OLIG1: variants seen among roughly 807,000 people sequenced by gnomAD.
The protein encoded by OLIG1 is oligodendrocyte transcription factor 1.
In OLIG1, 9 loss-of-function variants were observed where a neutral mutation model predicts 13.5. The ratio of observed to expected loss-of-function variants is 0.67; its 90% CI spans 0.40 to 1.17. OLIG1 has a LOEUF of 1.17. OLIG1 is among the 50% of genes most tolerant of loss of function. OLIG1 has a pLI of 0.01. For missense variants in OLIG1, 362 were observed against 392.2 expected, an observed-to-expected ratio of 0.92 and a Z score of 0.65; for synonymous variants, 215 against 208.3, an observed-to-expected ratio of 1.03 and a Z score of -0.28.
chr21:33,070,388 TCCA>T lies in OLIG1; in HGVS notation c.145_147del (p.Thr49del), dbSNP rs1555839736. ...GCAGCCGCCCTCCTCCTCCTCCTCCTCCACCTCCTCCACCTCCTCCACTTCCTC... is the reference window on the plus strand; with the variant it reads ...GCAGCCGCCCTCCTCCTCCTCCTCCTCCTCCTCCACCTCCTCCACTTCCTC... On this transcript the variant is annotated inframe_deletion, in exon 1 of 1. Transcript: ENST00000382348. The surrounding 1 kb of genome is among the most constrained non-coding windows in gnomAD (Gnocchi z 5.9). 6.5e-7 allele frequency: 1 copy of T among 1,528,486 alleles called. No individual in the cohort carries two copies. The highest frequency in any genetic ancestry group is 8.8e-7 in the Non-Finnish European group (1 of 1,137,650). 94.7% of individuals were successfully genotyped at this position (1,528,486 alleles called of 1,614,324 possible). A position where few individuals can be genotyped will look rare whatever the true frequency, so the allele number is the denominator to read the frequency against.
In OLIG1 at chr21:33,071,961, C is replaced by T. The variant is rs1982244574; in HGVS notation, c.*899C>T. The stretch of plus-strand genomic sequence containing the variant: ...AAACGAAAACCAACCGCCTTGCATC[C>T]AGTGTTCCCGATTTACTAAAATAGG... On this transcript the variant is annotated 3_prime_UTR_variant, in exon 1 of 1. Coordinates refer to ENST00000382348, the MANE Select transcript of OLIG1 (RefSeq NM_138983.3). The surrounding 1 kb of genome is among the most constrained non-coding windows in gnomAD (Gnocchi z 6.0). The T allele has an allele frequency of 6.0e-6, 1 of 167,102 alleles. No individual in the cohort carries two copies. Among genetic ancestry groups the T allele is most frequent in the Non-Finnish European group, 1.5e-5 (1 of 68,118 alleles). The allele number at this position is 167,102 out of a possible 1,614,324, so 10.4% of individuals were successfully genotyped here.
Position 33,071,901 on chromosome 21 carries a change from C to T in OLIG1, c.*839C>T, listed in dbSNP as rs998465514. The T allele has an allele frequency of 3.6e-5, 6 of 167,058 alleles. No individual in the cohort carries two copies. The highest frequency in any genetic ancestry group is 7.3e-5 in the Non-Finnish European group (5 of 68,118). The allele number at this position is 167,058 out of a possible 1,614,324, so 10.3% of individuals were successfully genotyped here. ...GATTCACCTTTCGTTTCCCTTTCCC[C>T]AAAAGTAGCGTAACCAACATTTAAG... On this transcript the variant is annotated 3_prime_UTR_variant, in exon 1 of 1. Coordinates refer to ENST00000382348, the MANE Select transcript of OLIG1 (RefSeq NM_138983.3). The surrounding 1 kb of genome is among the most constrained non-coding windows in gnomAD (Gnocchi z 6.0).
chr21:33,070,938 A>G lies in OLIG1; in HGVS notation c.692A>G (p.Gln231Arg). 1 of 1,455,452 alleles carries G rather than the reference A, an allele frequency of 6.9e-7. No individual in the cohort carries two copies. The highest frequency in any genetic ancestry group is 9.0e-7 in the Non-Finnish European group (1 of 1,110,796). 90.2% of individuals were successfully genotyped at this position (1,455,452 alleles called of 1,614,324 possible). A position where few individuals can be genotyped will look rare whatever the true frequency, so the allele number is the denominator to read the frequency against. ...GCGCTGGACGAGCCGCCGTGCGGCC[A>G]GTTCGCTCTCCCCGGCGGCGGCGCA... The part of the protein sequence containing the change: ...SLALDEPPCG[Q>R]FALPGGGAGG... Residue 231 changes from glutamine to arginine, a missense_variant, in exon 1 of 1, where the codon CAG becomes CGG. Gln to Arg is a conservative substitution (Grantham distance 43). This residue lies in a region of OLIG1 where 94 missense variants were observed against 146.0 expected (regional missense o/e 0.64). Coordinates refer to ENST00000382348, the MANE Select transcript of OLIG1 (RefSeq NM_138983.3). The surrounding 1 kb of genome is among the most constrained non-coding windows in gnomAD (Gnocchi z 5.9).
chr21:33,070,264 C>G lies in OLIG1; in HGVS notation c.18C>G (p.Ser6=). ...CCTCCCAGATGTACTATGCGGTTTCCCAGGCGCGCGTGAACGCGGTCCCCG... is the reference window on the plus strand; with the variant it reads ...CCTCCCAGATGTACTATGCGGTTTCGCAGGCGCGCGTGAACGCGGTCCCCG... MYYAV[S]QARVNAVPGT... The change falls in exon 1 of 1, where the codon TCC becomes TCG. Residue 6 remains serine (S), a synonymous_variant. Transcript: ENST00000382348. This position sits in a 1 kb window ranked among gnomAD's most constrained non-coding sequence, Gnocchi z 5.9. 2.6e-6 allele frequency: 4 copies of G among 1,541,590 alleles called. No individual in the cohort carries two copies. The highest frequency in any genetic ancestry group is 3.5e-6 in the Non-Finnish European group (4 of 1,143,268).
Position 33,070,977 on chromosome 21 carries a change from T to C in OLIG1, c.731T>C (p.Leu244Pro). The C allele has an allele frequency of 1.5e-6, 2 of 1,360,156 alleles. No homozygotes were observed. The highest frequency in any genetic ancestry group is 9.5e-7 in the Non-Finnish European group (1 of 1,047,594). 84.3% of individuals were successfully genotyped at this position (1,360,156 alleles called of 1,614,324 possible). Residue 244 changes from leucine (L) to proline (P), a missense_variant, in exon 1 of 1, where the codon CTC (leucine) becomes CCC (proline). By Grantham distance (98) the Leu-to-Pro change is moderately conservative. Coordinates refer to ENST00000382348, the MANE Select transcript of OLIG1 (RefSeq NM_138983.3). This position sits in a 1 kb window ranked among gnomAD's most constrained non-coding sequence, Gnocchi z 5.9. ...GGCGGCGGCGCAGGCGGCCCCGGCC[T>C]CTGCACCTGCGCCGTGTGCAAGTTC... ...LPGGGAGGPGLCTCAVCKFPH... is the reference protein window; with the variant it reads ...LPGGGAGGPGPCTCAVCKFPH...
At position 33,070,656 on chromosome 21, in the gene OLIG1, C is replaced by A; in HGVS notation, c.410C>A (p.Ala137Glu). 9 of 1,556,168 alleles carry A rather than the reference C, an allele frequency of 5.8e-6. No homozygotes were observed. The highest frequency in any genetic ancestry group is 7.8e-6 in the Non-Finnish European group (9 of 1,157,786). The change falls in exon 1 of 1, where the codon GCG becomes GAG. Residue 137 changes from alanine (A) to glutamate (E), a missense_variant. Physicochemically the swap from Ala to Glu is moderately radical, Grantham distance 107 (BLOSUM62 -1). Transcript: ENST00000382348. This position sits in a 1 kb window ranked among gnomAD's most constrained non-coding sequence, Gnocchi z 5.9. ...CGCGAGGTCATCCTGCCCTACTCAG[C>A]GGCGCACTGCCAGGGCGCGCCCGGC... is the stretch of plus-strand genomic sequence containing the variant. ...ALREVILPYS[A>E]AHCQGAPGRK...
At position 33,070,993 on chromosome 21, in the gene OLIG1, G is replaced by A. The variant is rs754241332; in HGVS notation, c.747G>A (p.Val249=). The change falls in exon 1 of 1, where the codon GTG becomes GTA. Residue 249 remains valine, a synonymous_variant. Coordinates refer to ENST00000382348, the MANE Select transcript of OLIG1 (RefSeq NM_138983.3). The surrounding 1 kb of genome is among the most constrained non-coding windows in gnomAD (Gnocchi z 5.9). The stretch of plus-strand genomic sequence containing the variant: ...GCCCCGGCCTCTGCACCTGCGCCGT[G>A]TGCAAGTTCCCGCACCTGGTCCCGG... The part of the protein sequence containing the change: ...AGGPGLCTCA[V]CKFPHLVPAS... The A allele has an allele frequency of 1.0e-5, 15 of 1,503,750 alleles. No homozygotes were observed. The East Asian group carries it at 3.9e-4, about 39-fold the overall frequency. The allele number at this position is 1,503,750 out of a possible 1,614,324, so 93.2% of individuals were successfully genotyped here. A position where few individuals can be genotyped will look rare whatever the true frequency, so the allele number is the denominator to read the frequency against.
chr21:33,070,773 G>C lies in OLIG1; in HGVS notation c.527G>C (p.Gly176Ala). ...CTGCAGGAGCTGCGCCGCGCGCTGG[G>C]CGAGGGCGCCGGGCCCGCCGCGCCG... is the stretch of plus-strand genomic sequence containing the variant. ...SSLQELRRAL[G>A]EGAGPAAPRL... The change falls in exon 1 of 1, where the codon GGC (glycine) becomes GCC (alanine). Residue 176 changes from glycine (G) to alanine (A), a missense_variant. Coordinates refer to ENST00000382348, the MANE Select transcript of OLIG1 (RefSeq NM_138983.3). This position sits in a 1 kb window ranked among gnomAD's most constrained non-coding sequence, Gnocchi z 5.9. The C allele has an allele frequency of 1.6e-6, 2 of 1,227,628 alleles. No homozygotes were observed. The highest frequency in any genetic ancestry group is 2.0e-6 in the Non-Finnish European group (2 of 986,118). 76.0% of individuals were successfully genotyped at this position (1,227,628 alleles called of 1,614,324 possible). A position where few individuals can be genotyped will look rare whatever the true frequency, so the allele number is the denominator to read the frequency against.
chr21:33,070,957 C>T lies in OLIG1; in HGVS notation c.711C>T (p.Gly237=), dbSNP rs1219543434. ...GCGGCCAGTTCGCTCTCCCCGGCGGCGGCGCAGGCGGCCCCGGCCTCTGCA... is the reference window on the plus strand; with the variant it reads ...GCGGCCAGTTCGCTCTCCCCGGCGGTGGCGCAGGCGGCCCCGGCCTCTGCA... ...PPCGQFALPG[G]GAGGPGLCTC... is the part of the protein sequence containing the mutation. Residue 237 remains glycine (G), a synonymous_variant, in exon 1 of 1, where the codon GGC becomes GGT. Transcript: ENST00000382348. The surrounding 1 kb of genome is among the most constrained non-coding windows in gnomAD (Gnocchi z 5.9). 2.1e-6 allele frequency: 3 copies of T among 1,444,382 alleles called. No individual in the cohort carries two copies. Among genetic ancestry groups the T allele is most frequent in the Non-Finnish European group, 2.7e-6 (3 of 1,103,526 alleles). The allele number at this position is 1,444,382 out of a possible 1,614,324, so 89.5% of individuals were successfully genotyped here.
Position 33,070,256 on chromosome 21 carries a change from G to A in OLIG1, c.10G>A (p.Ala4Thr). ...CCCCACCGCCTCCCAGATGTACTATGCGGTTTCCCAGGCGCGCGTGAACGC... is the reference window on the plus strand; with the variant it reads ...CCCCACCGCCTCCCAGATGTACTATACGGTTTCCCAGGCGCGCGTGAACGC... MYY[A>T]VSQARVNAVP... The change falls in exon 1 of 1, where the codon GCG (alanine) becomes ACG (threonine). Residue 4 changes from alanine to threonine, a missense_variant. Physicochemically the swap from Ala to Thr is moderately conservative, Grantham distance 58. Around this residue, in one of 3 missense-constraint regions of OLIG1, gnomAD observed 206 missense variants for 197.2 expected, o/e 1.04. Transcript: ENST00000382348. The surrounding 1 kb of genome is among the most constrained non-coding windows in gnomAD (Gnocchi z 5.9). 1.3e-6 allele frequency: 2 copies of A among 1,541,196 alleles called. No individual in the cohort carries two copies. Among genetic ancestry groups the A allele is most frequent in the African/African-American group, 1.4e-5 (1 of 71,752 alleles).
rs1294161337 is a variant in OLIG1, at chr21:33,070,912, G to A, written c.666G>A (p.Leu222=). ...TGCGCCCCGCCAAGTACCTGTCGCTGGCGCTGGACGAGCCGCCGTGCGGCC... is the reference window on the plus strand; with the variant it reads ...TGCGCCCCGCCAAGTACCTGTCGCTAGCGCTGGACGAGCCGCCGTGCGGCC... The part of the protein sequence containing the change: ...DALRPAKYLS[L]ALDEPPCGQF... The change falls in exon 1 of 1, where the codon CTG becomes CTA. Residue 222 remains leucine (L), a synonymous_variant. Coordinates refer to ENST00000382348, the MANE Select transcript of OLIG1 (RefSeq NM_138983.3). This position sits in a 1 kb window ranked among gnomAD's most constrained non-coding sequence, Gnocchi z 5.9. 65 of 1,425,848 alleles carry A rather than the reference G, an allele frequency of 4.6e-5. No individual in the cohort carries two copies. The highest frequency in any genetic ancestry group is 5.8e-5 in the Non-Finnish European group (63 of 1,094,876). The allele number at this position is 1,425,848 out of a possible 1,614,324, so 88.3% of individuals were successfully genotyped here. A position where few individuals can be genotyped will look rare whatever the true frequency, so the allele number is the denominator to read the frequency against.
In OLIG1 at chr21:33,070,753, G is replaced by A. The variant is rs1982199495; in HGVS notation, c.507G>A (p.Gln169=). 7.8e-7 allele frequency: 1 copy of A among 1,281,918 alleles called. No homozygotes were observed. The highest frequency in any genetic ancestry group is 1.5e-5 in the African/African-American group (1 of 64,892). 79.4% of individuals were successfully genotyped at this position (1,281,918 alleles called of 1,614,324 possible). ...NYILLLGSSL[Q]ELRRALGEGA... is the part of the protein sequence containing the mutation. Reference sequence around the variant, plus strand: ...TCCTACTGCTGGGCAGCTCGCTGCAGGAGCTGCGCCGCGCGCTGGGCGAGG... The same window carrying A: ...TCCTACTGCTGGGCAGCTCGCTGCAAGAGCTGCGCCGCGCGCTGGGCGAGG... Residue 169 remains glutamine (Q), a synonymous_variant, in exon 1 of 1, where the codon CAG becomes CAA. Coordinates refer to ENST00000382348, the MANE Select transcript of OLIG1 (RefSeq NM_138983.3). This position sits in a 1 kb window ranked among gnomAD's most constrained non-coding sequence, Gnocchi z 5.9.
rs1358905079 is a variant in OLIG1 at position 33,070,473 on chromosome 21, C to G, written c.227C>G (p.Pro76Arg). 4.6e-6 allele frequency: 7 copies of G among 1,525,884 alleles called. No homozygotes were observed. Among genetic ancestry groups the G allele is most frequent in the Non-Finnish European group, 5.3e-6 (6 of 1,141,114 alleles). 94.5% of individuals were successfully genotyped at this position (1,525,884 alleles called of 1,614,324 possible). A position where few individuals can be genotyped will look rare whatever the true frequency, so the allele number is the denominator to read the frequency against. Residue 76 changes from proline (P) to arginine (R), a missense_variant, in exon 1 of 1, where the codon CCG becomes CGG. Transcript: ENST00000382348. The surrounding 1 kb of genome is among the most constrained non-coding windows in gnomAD (Gnocchi z 5.9). ...GCTGCGCGCGAGAAGCCGGAGGCGC[C>G]GGCCGAGCCTCCAGGCCCCGGGCCC... is the stretch of plus-strand genomic sequence containing the variant. ...PKAAREKPEA[P>R]AEPPGPGPGS...
chr21:33,072,117 G>T lies in OLIG1; in HGVS notation c.*1055G>T, dbSNP rs575472310. Reference sequence around the variant, plus strand: ...CCAGCTGCGGTGGCGACGGCGGGAAGGCGCTTTCCGCTGTTCCTCAGCGGG... The same window carrying T: ...CCAGCTGCGGTGGCGACGGCGGGAATGCGCTTTCCGCTGTTCCTCAGCGGG... On this transcript the variant is annotated 3_prime_UTR_variant, in exon 1 of 1. Transcript: ENST00000382348. 1 of 167,072 alleles carries T rather than the reference G, an allele frequency of 6.0e-6. No individual in the cohort carries two copies. The highest frequency in any genetic ancestry group is 2.4e-5 in the African/African-American group (1 of 41,466). The allele number at this position is 167,072 out of a possible 1,614,324, so 10.3% of individuals were successfully genotyped here.
rs1219295720 is a variant in OLIG1, at chr21:33,071,362, G to A, written c.*300G>A. The A allele has an allele frequency of 8.0e-6, 2 of 248,698 alleles. No individual in the cohort carries two copies. Among genetic ancestry groups the A allele is most frequent in the Non-Finnish European group, 1.7e-5 (2 of 120,884 alleles). The allele number at this position is 248,698 out of a possible 1,614,324, so 15.4% of individuals were successfully genotyped here. On this transcript the variant is annotated 3_prime_UTR_variant, in exon 1 of 1. Transcript: ENST00000382348. This position sits in a 1 kb window ranked among gnomAD's most constrained non-coding sequence, Gnocchi z 6.0. The stretch of plus-strand genomic sequence containing the variant: ...GCACATCTCTCTCCTTGTCCCTGGA[G>A]TTGCGCGCTTCGCGGGGCCGATGTA...
At position 33,070,941 on chromosome 21, in the gene OLIG1, T is replaced by G. The variant is rs1982208923; in HGVS notation, c.695T>G (p.Phe232Cys). 3.4e-6 allele frequency: 5 copies of G among 1,457,078 alleles called. No homozygotes were observed. The highest frequency in any genetic ancestry group is 4.5e-6 in the Non-Finnish European group (5 of 1,111,616). The allele number at this position is 1,457,078 out of a possible 1,614,324, so 90.3% of individuals were successfully genotyped here. A position where few individuals can be genotyped will look rare whatever the true frequency, so the allele number is the denominator to read the frequency against. ...CTGGACGAGCCGCCGTGCGGCCAGT[T>G]CGCTCTCCCCGGCGGCGGCGCAGGC... ...LALDEPPCGQ[F>C]ALPGGGAGGP... The change falls in exon 1 of 1, where the codon TTC (phenylalanine) becomes TGC (cysteine). Residue 232 changes from phenylalanine (F) to cysteine (C), a missense_variant. This residue lies in a region of OLIG1 where 94 missense variants were observed against 146.0 expected (regional missense o/e 0.64). Transcript: ENST00000382348. The surrounding 1 kb of genome is among the most constrained non-coding windows in gnomAD (Gnocchi z 5.9).
chr21:33,070,323 T>G lies in OLIG1; in HGVS notation c.77T>G (p.Leu26Trp). Reference sequence around the variant, plus strand: ...CTGCGGCCACAGCGGCCCGGAGACTTGCAGCTCGGGGCCTCCCTCTACGAG... The same window carrying G: ...CTGCGGCCACAGCGGCCCGGAGACTGGCAGCTCGGGGCCTCCCTCTACGAG... ...TMLRPQRPGD[L>W]QLGASLYELV... Residue 26 changes from leucine to tryptophan, a missense_variant, in exon 1 of 1, where the codon TTG (leucine) becomes TGG (tryptophan). Around this residue, in one of 3 missense-constraint regions of OLIG1, gnomAD observed 206 missense variants for 197.2 expected, o/e 1.04. Coordinates refer to ENST00000382348, the MANE Select transcript of OLIG1 (RefSeq NM_138983.3). This position sits in a 1 kb window ranked among gnomAD's most constrained non-coding sequence, Gnocchi z 5.9. The G allele has an allele frequency of 6.5e-7, 1 of 1,546,492 alleles. No homozygotes were observed. Among genetic ancestry groups the G allele is most frequent in the Non-Finnish European group, 8.7e-7 (1 of 1,145,482 alleles).
At position 33,070,388 on chromosome 21, in the gene OLIG1, T is replaced by TCCTCCA; in HGVS notation, c.144_145insTCCACC (p.Ser48_Thr49insSerThr). The stretch of plus-strand genomic sequence containing the variant: ...GCAGCCGCCCTCCTCCTCCTCCTCC[T>TCCTCCA]CCACCTCCTCCACCTCCTCCACTTC... On this transcript the variant is annotated inframe_insertion, in exon 1 of 1. Coordinates refer to ENST00000382348, the MANE Select transcript of OLIG1 (RefSeq NM_138983.3). The surrounding 1 kb of genome is among the most constrained non-coding windows in gnomAD (Gnocchi z 5.9). The TCCTCCA allele has an allele frequency of 6.5e-7, 1 of 1,528,486 alleles. No individual in the cohort carries two copies. The highest frequency in any genetic ancestry group is 8.8e-7 in the Non-Finnish European group (1 of 1,137,650). The allele number at this position is 1,528,486 out of a possible 1,614,324, so 94.7% of individuals were successfully genotyped here. A position where few individuals can be genotyped will look rare whatever the true frequency, so the allele number is the denominator to read the frequency against.
At position 33,071,072 on chromosome 21, in the gene OLIG1, T is replaced by C; in HGVS notation, c.*10T>C. ...GCAATTCTCCAAGTGAGGGCGGGCC[T>C]GGGCCTGGGGCGCGACCTCGGCCCG... On this transcript the variant is annotated 3_prime_UTR_variant, in exon 1 of 1. Transcript: ENST00000382348. The surrounding 1 kb of genome is among the most constrained non-coding windows in gnomAD (Gnocchi z 6.0). The C allele has an allele frequency of 6.8e-7, 1 of 1,469,830 alleles. No homozygotes were observed. Among genetic ancestry groups the C allele is most frequent in the Non-Finnish European group, 9.0e-7 (1 of 1,112,066 alleles). The allele number at this position is 1,469,830 out of a possible 1,614,324, so 91.0% of individuals were successfully genotyped here.
Sources: allele counts gnomAD v4.1 joint callset, GRCh38; gene constraint gnomAD v4.1.1; regional missense constraint gnomAD v4.1.1; non-coding constraint Gnocchi (gnomAD v3.1); transcripts MANE v1.5; gene names NCBI Gene and HGNC (gene_info 2026-07-23, HGNC 2026-07-21).